Variants in TEAD1 observed in about 807,000 individuals in gnomAD.
The protein encoded by TEAD1 is transcriptional enhancer factor TEF-1.
A neutral mutation model predicts 54.9 loss-of-function variants in TEAD1; 9 were observed. The ratio of observed to expected loss-of-function variants is 0.16; its 90% CI spans 0.10 to 0.29. The LOEUF (loss-of-function observed/expected upper bound fraction) is 0.29, where lower values mean the gene tolerates loss of function less well. Ranked by LOEUF, TEAD1 falls within the 10% of genes least tolerant of loss-of-function variation. TEAD1 has a pLI of 1.00. For missense variants in TEAD1, 387 were observed against 535.9 expected (o/e 0.72, Z 2.74); for synonymous variants, 200 against 187.8 (o/e 1.07, Z -0.53).
intron 2 of TEAD1, 34 bp from the exon 3 acceptor site, chr11:12,764,145 A>G (rs1945155725): frequency 2.2e-6 from 3 of 1,378,770 alleles, no homozygotes; most frequent in Non-Finnish European, 3.0e-6. Flanking sequence ...TGTGGTTACC[A>G]CATCCTTATA....
intron 3 of TEAD1, among the ~76,000 whole-genome samples, chr11:12,808,183 C>G (rs1471386515): frequency 6.6e-6 from 1 of 152,052 alleles, no homozygotes; most frequent in Non-Finnish European, 1.5e-5. Context: ...GTGATTTATG[C>G]TTAAATAGTC....
intron 2 of TEAD1, among the ~76,000 whole-genome samples, chr11:12,697,837 A>G (rs1236980501): frequency 6.6e-6 from 1 of 152,196 alleles, no homozygotes; most frequent in African/African-American, 2.4e-5. Context: ...AGCCTGATCA[A>G]CATGATGAAA....
intron 9 of TEAD1, among the ~76,000 whole-genome samples, chr11:12,898,423 A>G (rs1948356225): frequency 6.7e-6 from 1 of 148,894 alleles, no homozygotes; most frequent in Non-Finnish European, 1.5e-5. Flanking sequence ...GAGACGGAGT[A>G]TCTCTCTGAT....
At chr11:12,786,567 C>T (rs1441000261) in intron 3 of TEAD1, among the ~76,000 whole-genome samples, 2 of 152,182 alleles carry the variant, frequency 1.3e-5, no homozygotes, top group Non-Finnish European at 2.9e-5. Context: ...TTTTATATAG[C>T]AACTCTACTT....
chr11:12,699,048 A>T (rs1042172504), intron 2 of TEAD1, among the ~76,000 whole-genome samples: 1 of 152,350 alleles, frequency 6.6e-6, no homozygotes, highest in South Asian at 2.1e-4. Context: ...ATTTAAAAAA[A>T]TGAAATCATG....
intron 2 of TEAD1, among the ~76,000 whole-genome samples, chr11:12,739,714 C>G (rs1944613796): frequency 1.3e-5 from 2 of 152,272 alleles, no homozygotes; most frequent in East Asian, 1.9e-4. Flanking sequence ...CTCTCTATTC[C>G]CTTTACTGAT....
intron 3 of TEAD1, among the ~76,000 whole-genome samples, chr11:12,829,813 T>C (rs1335990016): frequency 1.3e-5 from 2 of 152,206 alleles, no homozygotes; most frequent in Non-Finnish European, 2.9e-5. Flanking sequence ...CTTGTATAAT[T>C]CTTGAGACAG....
At chr11:12,683,034 G>A (rs1054633116) in intron 2 of TEAD1, among the ~76,000 whole-genome samples, 4 of 152,184 alleles carry the variant, frequency 2.6e-5, no homozygotes, top group African/African-American at 7.2e-5. Flanking sequence ...TCAGTAGTGA[G>A]CATTCCTAAG....
At chr11:12,859,273 TTCTG>T (rs1332327882) in intron 3 of TEAD1, among the ~76,000 whole-genome samples, 1 of 152,242 alleles carries the variant, frequency 6.6e-6, no homozygotes, top group Non-Finnish European at 1.5e-5. Context: ...TATCAAGGTA[TTCTG>T]TCTGTTTTCC....
intron 5 of TEAD1, chr11:12,879,306 A>G (rs2134093914): frequency 2.5e-6 from 1 of 405,048 alleles, no homozygotes; most frequent in Non-Finnish European, 4.6e-6. Flanking sequence ...CCACAGCTAC[A>G]TCTCTTCTCT....
chr11:12,828,859 C>T (rs576627611), intron 3 of TEAD1, among the ~76,000 whole-genome samples: 17 of 148,290 alleles, frequency 1.1e-4, no homozygotes, highest in South Asian at 1.1e-3. Context: ...TTTTTTACCC[C>T]GTATTTCTTG....
chr11:12,747,094 G>A (rs1417494902), intron 2 of TEAD1, among the ~76,000 whole-genome samples: 2 of 152,188 alleles, frequency 1.3e-5, no homozygotes, highest in Non-Finnish European at 2.9e-5. Flanking sequence ...TCTAAGGTAT[G>A]CCTGAGGCTG....
At chr11:12,685,741 T>C (rs945038979) in intron 2 of TEAD1, among the ~76,000 whole-genome samples, 9 of 152,232 alleles carry the variant, frequency 5.9e-5, no homozygotes, top group Admixed American at 6.5e-5. Flanking sequence ...CCCATCCTTA[T>C]GGATTGTACT....
chr11:12,883,076 G>A lies in TEAD1; in HGVS notation c.650G>A (p.Arg217His), dbSNP rs188077520. ...CGCTCCATTGGCACAACCAAGCTTC[G>A]CCTGGTGGAATTTTCAGCTTTTCTC... Residue 217 changes from arginine to histidine, a missense_variant, in exon 9 of 13, where the codon CGC (arginine) becomes CAC (histidine). Physicochemically the swap from Arg to His is conservative, Grantham distance 29. Transcript: ENST00000527636. 2.1e-4 allele frequency: 335 copies of A among 1,614,154 alleles called. 2 individuals are homozygous for A. The East Asian group carries it at 7.2e-3, about 35-fold the overall frequency.
intron 2 of TEAD1, among the ~76,000 whole-genome samples, chr11:12,699,334 G>A (rs925702946): frequency 1.3e-5 from 2 of 151,100 alleles, no homozygotes; most frequent in Admixed American, 6.6e-5. Context: ...TTTTCTCATC[G>A]GTTTATTTAA....
At chr11:12,819,423 T>C (rs1946487061) in intron 3 of TEAD1, among the ~76,000 whole-genome samples, 1 of 152,068 alleles carries the variant, frequency 6.6e-6, no homozygotes, top group South Asian at 2.1e-4. Context: ...TGTATGTGTG[T>C]GTGTGTTGTG....
intron 3 of TEAD1, among the ~76,000 whole-genome samples, chr11:12,790,121 C>G (rs2133960288): frequency 6.6e-6 from 1 of 152,362 alleles, no homozygotes; most frequent in East Asian, 1.9e-4. Context: ...GAGGCACCAG[C>G]CCCAAACTCT....
chr11:12,678,307 T>G (rs941791304), intron 2 of TEAD1, among the ~76,000 whole-genome samples: 3 of 152,252 alleles, frequency 2.0e-5, no homozygotes, highest in Admixed American at 6.5e-5. Context: ...ACTTTTGGAC[T>G]CAGCCAGAAA....
intron 2 of TEAD1, among the ~76,000 whole-genome samples, chr11:12,760,735 G>A (rs1945085133): frequency 6.6e-6 from 1 of 152,190 alleles, no homozygotes; most frequent in African/African-American, 2.4e-5. Context: ...CTACAGCGTG[G>A]TTGATACTCT....
Sources: allele counts gnomAD v4.1 joint callset (sites outside exome capture counted in the v4.1 genomes callset), GRCh38; gene constraint gnomAD v4.1.1; transcripts MANE v1.5; gene names NCBI Gene and HGNC (gene_info 2026-07-23, HGNC 2026-07-21).